The following PDGFA variants were observed in gnomAD, a reference collection of about 807,000 sequenced individuals.
PDGFA encodes the protein platelet derived growth factor subunit A.
PDGFA carries 9 observed loss-of-function variants against 25.6 expected under a neutral mutation model. The observed-to-expected ratio is 0.35, with a 90% CI of 0.21 to 0.61. The LOEUF is 0.61. PDGFA is among the 20% of genes least tolerant of loss of function. The pLI, the probability that PDGFA is intolerant of heterozygous loss-of-function variation, is 0.75. For missense variants in PDGFA, 242 were observed against 272.8 expected, an observed-to-expected ratio of 0.89 and a Z score of 0.79; for synonymous variants, 133 against 111.8, an observed-to-expected ratio of 1.19 and a Z score of -1.20.
At chr7:514,307 G>A (rs1562492444) in intron 2 of PDGFA, among the ~76,000 whole-genome samples, 1 of 152,158 alleles carries the variant, frequency 6.6e-6, no homozygotes, top group Non-Finnish European at 1.5e-5. Context: ...CCACCCTCTA[G>A]CCCTGGCTTA....
chr7:497,891 AAGCTAGCC>A (rs1782123096), exon 6 of PDGFA: 5 of 126,668 alleles, frequency 3.9e-5, no homozygotes, highest in East Asian at 2.3e-4. Flanking sequence ...AAAAAAAAAA[AAGCTAGCC>A]AAAGAGTAAA....
At position 500,968 on chromosome 7, in the gene PDGFA, G is replaced by A. The variant is rs767263848; in HGVS notation, c.580+148C>T. On this transcript the variant is annotated intron_variant, in intron 5 of 5. Transcript: ENST00000402802. This position sits in a 1 kb window ranked among gnomAD's most constrained non-coding sequence, Gnocchi z 5.0. ...GATCCGTCTCCCCCGCAGGCATCTG[G>A]CCCGGGAGCAGGGCAACGAATCCTT... 1.3e-5 allele frequency: 21 copies of A among 1,597,594 alleles called. No homozygotes were observed. The highest frequency in any genetic ancestry group is 1.8e-5 in the Non-Finnish European group (21 of 1,178,392).
rs139214605 is a variant in PDGFA, at chr7:501,159, G to A, written c.537C>T (p.Cys179=). The A allele has an allele frequency of 4.3e-5, 69 of 1,614,218 alleles. No homozygotes were observed. In the African/African-American group the frequency reaches 6.9e-4, roughly 16 times the overall value. The change falls in exon 5 of 6, where the codon TGC becomes TGT. Residue 179 remains cysteine (C), a synonymous_variant. Coordinates refer to ENST00000402802, the Ensembl canonical transcript of PDGFA. ...AATCCGGATTCAGGCTTGTGGTCGC[G>A]CAGGCGCACTCCAAATGCTCCTCTA...
intron 2 of PDGFA, among the ~76,000 whole-genome samples, chr7:516,981 G>C (rs953149097): frequency 2.0e-5 from 3 of 151,234 alleles, no homozygotes; most frequent in Non-Finnish European, 3.0e-5. Flanking sequence ...CCGTCGGACC[G>C]GGAGCCGCGC....
chr7:498,853 C>T (rs1054866994), intron 5 of PDGFA, among the ~76,000 whole-genome samples: 17 of 152,186 alleles, frequency 1.1e-4, no homozygotes, highest in Non-Finnish European at 2.4e-4. Flanking sequence ...AAACTGAGGC[C>T]AAGAATGGCT....
At chr7:518,151 G>T (rs1044443750) in intron 1 of PDGFA, among the ~76,000 whole-genome samples, 1 of 152,298 alleles carries the variant, frequency 6.6e-6, no homozygotes, top group East Asian at 1.9e-4. Context: ...GAAAGCGAGG[G>T]TTAAACTTCC....
rs1212790188 is a variant in PDGFA, at chr7:499,169, G to A, written c.581-595C>T. Among the ~76,000 whole-genome samples the A allele has an allele frequency of 2.0e-5, 3 of 152,342 alleles. No homozygotes were observed. The East Asian group carries it at 5.8e-4, about 29-fold the overall frequency. Reference sequence around the variant, plus strand: ...TGGGGTCTGTCACCAGCAGGCCCATGGAGGCCAGAGCCTAACGCTCTGTAG... The same window carrying A: ...TGGGGTCTGTCACCAGCAGGCCCATAGAGGCCAGAGCCTAACGCTCTGTAG... On this transcript the variant is annotated intron_variant, in intron 5 of 5. Coordinates refer to ENST00000402802, the Ensembl canonical transcript of PDGFA.
intron 1 of PDGFA, 132 bp downstream of exon 1, chr7:518,807 T>A: frequency 1.8e-6 from 1 of 543,360 alleles, no homozygotes; most frequent in Non-Finnish European, 3.2e-6. Flanking sequence ...TAGAACCCAG[T>A]TGGGAAAATC....
chr7:509,470 T>C (rs1254815891), intron 4 of PDGFA, among the ~76,000 whole-genome samples: 1 of 152,056 alleles, frequency 6.6e-6, no homozygotes, highest in Non-Finnish European at 1.5e-5. Context: ...TTTGTATTTC[T>C]TGTAGAGATG....
chr7:509,938 C>G (rs978025527), intron 4 of PDGFA, among the ~76,000 whole-genome samples: 10 of 152,186 alleles, frequency 6.6e-5, no homozygotes, highest in Non-Finnish European at 1.3e-4. Context: ...GAGCCCACCC[C>G]AAGCACTCCT....
chr7:501,320 A>C, intron 4 of PDGFA, 78 bp from the exon 5 acceptor site: 2 of 1,577,142 alleles, frequency 1.3e-6, no homozygotes, highest in Non-Finnish European at 1.7e-6. Flanking sequence ...AGCCGGGGAC[A>C]GGCTGAGAGG....
At chr7:504,234 C>A (rs1782468166) in intron 4 of PDGFA, among the ~76,000 whole-genome samples, 1 of 152,034 alleles carries the variant, frequency 6.6e-6, no homozygotes, top group Non-Finnish European at 1.5e-5. Flanking sequence ...AGTACCACCA[C>A]CCACCCACCA....
chr7:503,713 T>C (rs968913301), intron 4 of PDGFA, among the ~76,000 whole-genome samples: 13 of 152,116 alleles, frequency 8.5e-5, no homozygotes, highest in African/African-American at 3.1e-4. Flanking sequence ...AGTTAATGGT[T>C]AACCCACAGT....
At chr7:519,656 G>A (rs1783281479), upstream of PDGFA, among the ~76,000 whole-genome samples, 1 of 145,164 alleles carries the variant, frequency 6.9e-6, no homozygotes, top group Admixed American at 6.8e-5. Flanking sequence ...GGGCCGGGCA[G>A]CGCCCGCGGC....
chr7:507,132 T>A (rs908740818), intron 4 of PDGFA, among the ~76,000 whole-genome samples: 4 of 152,184 alleles, frequency 2.6e-5, no homozygotes, highest in Non-Finnish European at 5.9e-5. Flanking sequence ...GGGCCTCCTG[T>A]TCCCTCTGAC....
At chr7:518,051 C>T (rs1490810237) in intron 1 of PDGFA, among the ~76,000 whole-genome samples, 16 of 152,118 alleles carry the variant, frequency 1.1e-4, no homozygotes, top group Non-Finnish European at 2.2e-4. Context: ...CTCACACACT[C>T]GCCCCACCCC....
chr7:520,079 C>T (rs1323823528), upstream of PDGFA: 2 of 396,262 alleles, frequency 5.0e-6, no homozygotes, highest in African/African-American at 2.2e-5. Flanking sequence ...CCCGGCTCCG[C>T]GCCGGGGCTC....
At chr7:509,288 C>T (rs1262011662) in intron 4 of PDGFA, among the ~76,000 whole-genome samples, 1 of 152,110 alleles carries the variant, frequency 6.6e-6, no homozygotes, top group Admixed American at 6.5e-5. Flanking sequence ...CCATTAAGTC[C>T]TTTTTTCTCT....
intron 4 of PDGFA, among the ~76,000 whole-genome samples, chr7:507,340 T>C (rs963267388): frequency 2.0e-5 from 3 of 152,190 alleles, no homozygotes; most frequent in Non-Finnish European, 4.4e-5. Flanking sequence ...TCCCGGCAGA[T>C]GAGACCCAGA....
Sources: gnomAD v4.1 joint callset for allele counts (sites outside exome capture counted in the v4.1 genomes callset) on GRCh38, gnomAD v4.1.1 for gene constraint, Gnocchi (gnomAD v3.1) non-coding constraint, MANE v1.5 for transcripts, NCBI Gene and HGNC (gene_info 2026-07-23, HGNC 2026-07-21) for gene names.